The following GNAT1 variants were observed in gnomAD, a reference collection of about 807,000 sequenced individuals.
The protein encoded by GNAT1 is guanine nucleotide-binding protein G(t) subunit alpha-1.
A neutral mutation model predicts 40.0 loss-of-function variants in GNAT1; 36 were observed. The observed-to-expected ratio is 0.90, with a 90% CI of 0.69 to 1.19. The LOEUF is 1.19. Among genes scored for constraint, GNAT1 ranks in the 50% most tolerant of loss-of-function variants. The pLI is 0.00. For synonymous variants in GNAT1, 195 were observed against 192.9 expected (o/e 1.01, Z -0.09); for missense variants, 413 against 480.6 (o/e 0.86, Z 1.32).
chr3:50,193,899 G>C lies in GNAT1; in HGVS notation c.578+18G>C, dbSNP rs1221621567. 7 of 1,613,106 alleles carry C rather than the reference G, an allele frequency of 4.3e-6. No homozygotes were observed. Among genetic ancestry groups the C allele is most frequent in the Non-Finnish European group, 5.9e-6 (7 of 1,179,892 alleles). ...AACTTCCGGTACGACCCATACGCTAGCCCAGGAGGTCACTGCCCCAGGCCC... is the reference window on the plus strand; with the variant it reads ...AACTTCCGGTACGACCCATACGCTACCCCAGGAGGTCACTGCCCCAGGCCC... On this transcript the variant is annotated intron_variant, in intron 5 of 8. Transcript: ENST00000232461. This position sits in a 1 kb window ranked among gnomAD's most constrained non-coding sequence, Gnocchi z 8.1.
chr3:50,193,890 C>T lies in GNAT1; in HGVS notation c.578+9C>T, dbSNP rs1182944117. 1 of 1,613,278 alleles carries T rather than the reference C, an allele frequency of 6.2e-7. No individual in the cohort carries two copies. The highest frequency in any genetic ancestry group is 8.5e-7 in the Non-Finnish European group (1 of 1,179,906). Reference sequence around the variant, plus strand: ...AAGGATCTCAACTTCCGGTACGACCCATACGCTAGCCCAGGAGGTCACTGC... The same window carrying T: ...AAGGATCTCAACTTCCGGTACGACCTATACGCTAGCCCAGGAGGTCACTGC... On this transcript the variant is annotated intron_variant, in intron 5 of 8. Transcript: ENST00000232461. The surrounding 1 kb of genome is among the most constrained non-coding windows in gnomAD (Gnocchi z 8.1).
At chr3:50,191,955 C>T in intron 1 of GNAT1, 124 bp downstream of exon 1, 1 of 702,244 alleles carries the variant, frequency 1.4e-6, no homozygotes, top group Admixed American at 2.1e-5. Flanking sequence ...GAGTAGGGCA[C>T]AGGGTGGGAG....
chr3:50,191,637 G>T lies in GNAT1; in HGVS notation c.-89G>T. ...TTGATTGCAGGTCCTCCTGGGGCCA[G>T]AAGGGTGCCTGGGAGGCCAGGTTCT... On this transcript the variant is annotated 5_prime_UTR_variant, in exon 1 of 9. Coordinates refer to ENST00000232461, the MANE Select transcript of GNAT1 (RefSeq NM_144499.3). 2 of 954,270 alleles carry T rather than the reference G, an allele frequency of 2.1e-6. No homozygotes were observed. The highest frequency in any genetic ancestry group is 1.3e-5 in the South Asian group (1 of 76,498). The allele number at this position is 954,270 out of a possible 1,614,324, so 59.1% of individuals were successfully genotyped here. A position where few individuals can be genotyped will look rare whatever the true frequency, so the allele number is the denominator to read the frequency against.
intron 8 of GNAT1, 61 bp from the exon 9 acceptor site, chr3:50,195,207 A>C: frequency 1.8e-6 from 1 of 564,266 alleles, no homozygotes; most frequent in Non-Finnish European, 3.2e-6. Context: ...CCCACCACAC[A>C]CAATGCCTAA....
In GNAT1 at chr3:50,193,755, AC is replaced by A; in HGVS notation, c.454del (p.Leu152SerfsTer8). On this transcript the variant is annotated frameshift_variant, in exon 5 of 9. Transcript: ENST00000232461. LOFTEE classifies it high-confidence loss of function. This position sits in a 1 kb window ranked among gnomAD's most constrained non-coding sequence, Gnocchi z 8.1. Reference protein sequence around the residue: ...EYQLNDSAGYYLSDLERLVTP... With the variant: ...EYQLNDSAGYXLSDLERLVTP... Reference sequence around the variant, plus strand: ...ACCTACGGCCGGGTCTCGCGCAGCTACCTCTCCGACCTGGAGCGCCTGGTAA... The same window carrying A: ...ACCTACGGCCGGGTCTCGCGCAGCTACTCTCCGACCTGGAGCGCCTGGTAA... 6.2e-7 allele frequency: 1 copy of A among 1,610,038 alleles called. No homozygotes were observed. Among genetic ancestry groups the A allele is most frequent in the Non-Finnish European group, 8.5e-7 (1 of 1,178,860 alleles).
At position 50,197,459 on chromosome 3, in the gene GNAT1, T is replaced by C. The variant is rs1159661892; in HGVS notation, c.*2193T>C. 1.3e-5 allele frequency among the ~76,000 whole-genome samples: 2 copies of C among 152,208 alleles called. No homozygotes were observed. Among genetic ancestry groups the C allele is most frequent in the Non-Finnish European group, 2.9e-5 (2 of 68,044 alleles). On this transcript the variant is annotated 3_prime_UTR_variant, in exon 9 of 9. Coordinates refer to ENST00000232461, the MANE Select transcript of GNAT1 (RefSeq NM_144499.3). ...ATGTGACTGCTCTAAGTGCCTCAGA[T>C]GTGTGGGTCCATGAAGTCTTTGTCT...
Position 50,193,544 on chromosome 3 carries a change from CG to C in GNAT1, c.331del (p.Glu111ArgfsTer49). 1 of 1,613,380 alleles carries C rather than the reference CG, an allele frequency of 6.2e-7. No individual in the cohort carries two copies. Among genetic ancestry groups the C allele is most frequent in the Non-Finnish European group, 8.5e-7 (1 of 1,179,898 alleles). ...RKLMHMADTI[E>X]EGTMPKEMSD... ...AGCTGATGCACATGGCAGACACTATCGAGGAGGGCACGATGCCCAAGGAGAT... is the reference window on the plus strand; with the variant it reads ...AGCTGATGCACATGGCAGACACTATCAGGAGGGCACGATGCCCAAGGAGAT... On this transcript the variant is annotated frameshift_variant, in exon 4 of 9. Transcript: ENST00000232461. LOFTEE classifies it high-confidence loss of function. The surrounding 1 kb of genome is among the most constrained non-coding windows in gnomAD (Gnocchi z 8.1).
rs1699518064 is a variant in GNAT1, at chr3:50,197,368, A to G, written c.*2102A>G. ...AACTGTAACTCTGTACCCATGAAAA[A>G]ATAACCCCCCATTCCTGCCTTCCCC... On this transcript the variant is annotated 3_prime_UTR_variant, in exon 9 of 9. Transcript: ENST00000232461. Among the ~76,000 whole-genome samples, 1 of 152,132 alleles carries G rather than the reference A, an allele frequency of 6.6e-6. No individual in the cohort carries two copies. Among genetic ancestry groups the G allele is most frequent in the South Asian group, 2.1e-4 (1 of 4,822 alleles).
chr3:50,193,349 GGCCATCGTACGC>G lies in GNAT1; in HGVS notation c.240_251del (p.Ile80_Ala83del). 1 of 1,614,120 alleles carries G rather than the reference GGCCATCGTACGC, an allele frequency of 6.2e-7. No individual in the cohort carries two copies. The highest frequency in any genetic ancestry group is 1.1e-5 in the South Asian group (1 of 91,086). On this transcript the variant is annotated inframe_deletion, in exon 3 of 9. Transcript: ENST00000232461. The surrounding 1 kb of genome is among the most constrained non-coding windows in gnomAD (Gnocchi z 8.1). Reference sequence around the variant, plus strand: ...ACGGCAACACGTTGCAGTCCATCCTGGCCATCGTACGCGCCATGACCACACTCAACATCCAGT... The same window carrying G: ...ACGGCAACACGTTGCAGTCCATCCTGGCCATGACCACACTCAACATCCAGT...
rs1177827474 is a variant in GNAT1 at position 50,191,793 on chromosome 3, C to A, written c.68C>A (p.Ala23Asp). The stretch of plus-strand genomic sequence containing the variant: ...CTGGAAAAGAAGCTGAAAGAGGACG[C>A]TGAGAAGGATGCTCGAACCGTGAAG... The part of the protein sequence containing the change: ...RELEKKLKED[A>D]EKDARTVKLL... The change falls in exon 1 of 9, where the codon GCT becomes GAT. Residue 23 changes from alanine to aspartate, a missense_variant. Physicochemically the swap from Ala to Asp is moderately radical, Grantham distance 126. Transcript: ENST00000232461. 6 of 1,613,886 alleles carry A rather than the reference C, an allele frequency of 3.7e-6. No homozygotes were observed. The highest frequency in any genetic ancestry group is 5.1e-6 in the Non-Finnish European group (6 of 1,179,768).
Position 50,193,222 on chromosome 3 carries a change from C to T in GNAT1, c.150-43C>T, listed in dbSNP as rs778094885. ...GAGGCCCCTGGGTCTGGGTCCTTCCCCACTTCCCCACGAGGCGCTGATTCT... is the reference window on the plus strand; with the variant it reads ...GAGGCCCCTGGGTCTGGGTCCTTCCTCACTTCCCCACGAGGCGCTGATTCT... On this transcript the variant is annotated intron_variant, in intron 2 of 8. Coordinates refer to ENST00000232461, the MANE Select transcript of GNAT1 (RefSeq NM_144499.3). The surrounding 1 kb of genome is among the most constrained non-coding windows in gnomAD (Gnocchi z 8.1). 5.0e-6 allele frequency: 8 copies of T among 1,613,962 alleles called. No homozygotes were observed. The highest frequency in any genetic ancestry group is 6.8e-6 in the Non-Finnish European group (8 of 1,179,944).
In GNAT1 at chr3:50,193,564, A is replaced by G; in HGVS notation, c.350A>G (p.Lys117Arg). 6.2e-7 allele frequency: 1 copy of G among 1,613,238 alleles called. No homozygotes were observed. Among genetic ancestry groups the G allele is most frequent in the South Asian group, 1.1e-5 (1 of 91,088 alleles). The change falls in exon 4 of 9, where the codon AAG (lysine) becomes AGG (arginine). Residue 117 changes from lysine to arginine, a missense_variant. Lys to Arg is a conservative substitution (Grantham distance 26, BLOSUM62 2). Transcript: ENST00000232461. This position sits in a 1 kb window ranked among gnomAD's most constrained non-coding sequence, Gnocchi z 8.1. ...ADTIEEGTMP[K>R]EMSDIIQRLW... ...ACTATCGAGGAGGGCACGATGCCCA[A>G]GGAGATGTCGGACATCATCCAGCGG...
rs769825835 is a variant in GNAT1 at position 50,191,690 on chromosome 3, C to T, written c.-36C>T. 6.7e-6 allele frequency: 10 copies of T among 1,484,732 alleles called. No individual in the cohort carries two copies. The highest frequency in any genetic ancestry group is 9.4e-6 in the Non-Finnish European group (10 of 1,062,196). The allele number at this position is 1,484,732 out of a possible 1,614,324, so 92.0% of individuals were successfully genotyped here. A position where few individuals can be genotyped will look rare whatever the true frequency, so the allele number is the denominator to read the frequency against. ...GGATCCCCTCCATCCAGAAGAACCACCTGCTCACTCTGTCCCTTCGCCTGC... is the reference window on the plus strand; with the variant it reads ...GGATCCCCTCCATCCAGAAGAACCATCTGCTCACTCTGTCCCTTCGCCTGC... On this transcript the variant is annotated 5_prime_UTR_variant, in exon 1 of 9. Coordinates refer to ENST00000232461, the MANE Select transcript of GNAT1 (RefSeq NM_144499.3).
chr3:50,193,013 C>T lies in GNAT1; in HGVS notation c.107-120C>T, dbSNP rs879198669. On this transcript the variant is annotated intron_variant, in intron 1 of 8. Transcript: ENST00000232461. The surrounding 1 kb of genome is among the most constrained non-coding windows in gnomAD (Gnocchi z 8.1). The stretch of plus-strand genomic sequence containing the variant: ...GGTGTGGCTACGGGGTCGGGGCTGG[C>T]GCTCAGGCCTCTTCGCTGCGGGTCC... The T allele has an allele frequency of 1.0e-5, 10 of 958,256 alleles. No individual in the cohort carries two copies. The South Asian group carries it at 1.2e-4, about 11-fold the overall frequency. 59.4% of individuals were successfully genotyped at this position (958,256 alleles called of 1,614,324 possible).
chr3:50,193,582 T>G lies in GNAT1; in HGVS notation c.368T>G (p.Ile123Ser). ...GTMPKEMSDI[I>S]QRLWKDSGIQ... ...ATGCCCAAGGAGATGTCGGACATCA[T>G]CCAGCGGCTGTGGAAGGACTCCGGT... The change falls in exon 4 of 9, where the codon ATC becomes AGC. Residue 123 changes from isoleucine to serine, a missense_variant. Physicochemically the swap from Ile to Ser is moderately radical, Grantham distance 142. Transcript: ENST00000232461. The surrounding 1 kb of genome is among the most constrained non-coding windows in gnomAD (Gnocchi z 8.1). 6.2e-7 allele frequency: 1 copy of G among 1,613,060 alleles called. No individual in the cohort carries two copies. The highest frequency in any genetic ancestry group is 8.5e-7 in the Non-Finnish European group (1 of 1,179,876).
In GNAT1 at chr3:50,194,451, C is replaced by T. The variant is rs374062486; in HGVS notation, c.709-50C>T. On this transcript the variant is annotated intron_variant, in intron 6 of 8. Transcript: ENST00000232461. This position sits in a 1 kb window ranked among gnomAD's most constrained non-coding sequence, Gnocchi z 6.1. ...TGCCCGGGAGCCCAGAGAGCAGGTG[C>T]TGCGGGTCGGACGCTACCCCGGGTG... 3.3e-5 allele frequency: 53 copies of T among 1,599,624 alleles called. No individual in the cohort carries two copies. The highest frequency in any genetic ancestry group is 5.4e-5 in the African/African-American group (4 of 74,720).
Position 50,193,421 on chromosome 3 carries a change from G to T in GNAT1, c.291+15G>T, listed in dbSNP as rs776984245. ...CTGCACGCCAGGTGTGCCAGGAGGCGGGCTGAGCGGGCCTCTGGGGACTCG... is the reference window on the plus strand; with the variant it reads ...CTGCACGCCAGGTGTGCCAGGAGGCTGGCTGAGCGGGCCTCTGGGGACTCG... On this transcript the variant is annotated intron_variant, in intron 3 of 8. Coordinates refer to ENST00000232461, the MANE Select transcript of GNAT1 (RefSeq NM_144499.3). The surrounding 1 kb of genome is among the most constrained non-coding windows in gnomAD (Gnocchi z 8.1). 8.1e-6 allele frequency: 13 copies of T among 1,613,572 alleles called. No homozygotes were observed. The highest frequency in any genetic ancestry group is 1.6e-4 in the Middle Eastern group (1 of 6,084).
In GNAT1 at chr3:50,194,841, G is replaced by T; in HGVS notation, c.939G>T (p.Lys313Asn). 1.2e-6 allele frequency: 2 copies of T among 1,613,974 alleles called. No individual in the cohort carries two copies. The highest frequency in any genetic ancestry group is 8.5e-7 in the Non-Finnish European group (1 of 1,179,988). ...AGCTCAACATGCGGCGCGACGTGAA[G>T]GAGATCTATTCCCACATGACGTGCG... ...FLELNMRRDV[K>N]EIYSHMTCAT... Residue 313 changes from lysine to asparagine, a missense_variant, in exon 8 of 9, where the codon AAG (lysine) becomes AAT (asparagine). Transcript: ENST00000232461. This position sits in a 1 kb window ranked among gnomAD's most constrained non-coding sequence, Gnocchi z 6.1.
chr3:50,195,041 A>G (rs1311437538), intron 8 of GNAT1, 85 bp downstream of exon 8: 9 of 971,136 alleles, frequency 9.3e-6, no homozygotes, highest in Non-Finnish European at 1.4e-5. Context: ...CTGGAGCCTC[A>G]CCCCCAAATC....
Sources: gnomAD v4.1 joint callset for allele counts (sites outside exome capture counted in the v4.1 genomes callset) on GRCh38, gnomAD v4.1.1 for gene constraint, Gnocchi (gnomAD v3.1) non-coding constraint, MANE v1.5 for transcripts, NCBI Gene and HGNC (gene_info 2026-07-23, HGNC 2026-07-21) for gene names.